Variants in GPR158 observed in about 807,000 individuals in gnomAD.
The protein encoded by GPR158 is G protein-coupled receptor 158, also known as metabotropic glycine receptor.
Under a neutral mutation model 78.2 loss-of-function variants are expected in GPR158, and 30 were observed. The observed-to-expected ratio is 0.38, with a 90% CI of 0.29 to 0.52. The LOEUF (loss-of-function observed/expected upper bound fraction) is 0.52, where lower values mean the gene tolerates loss of function less well. GPR158 is among the 20% of genes least tolerant of loss of function. The pLI is 0.83. For synonymous variants in GPR158, 581 were observed against 591.1 expected, an observed-to-expected ratio of 0.98 and a Z score of 0.25; for missense variants, 1,463 against 1,523.5, an observed-to-expected ratio of 0.96 and a Z score of 0.66.
intron 5 of GPR158, among the ~76,000 whole-genome samples, chr10:25,506,112 CA>C (rs1836009905): frequency 6.6e-6 from 1 of 152,218 alleles, no homozygotes; most frequent in African/African-American, 2.4e-5. Flanking sequence ...CTGTAGCACA[CA>C]AGTGTGATTT....
chr10:25,251,861 G>T (rs1588759038), intron 2 of GPR158, among the ~76,000 whole-genome samples: 1 of 151,712 alleles, frequency 6.6e-6, no homozygotes. Flanking sequence ...ACATTGGCCT[G>T]CCTTGCTAGA....
At chr10:25,216,465 T>C (rs1466383099) in intron 1 of GPR158, among the ~76,000 whole-genome samples, 1 of 151,930 alleles carries the variant, frequency 6.6e-6, no homozygotes, top group South Asian at 2.1e-4. Flanking sequence ...TGCTTGGGTA[T>C]TTTTTGGGGG....
At chr10:25,433,265 G>A (rs1834937282) in intron 4 of GPR158, among the ~76,000 whole-genome samples, 1 of 152,102 alleles carries the variant, frequency 6.6e-6, no homozygotes, top group Non-Finnish European at 1.5e-5. Context: ...AGTCAACTCT[G>A]GCCCCATTGT....
intron 4 of GPR158, among the ~76,000 whole-genome samples, chr10:25,444,476 G>A (rs935481862): frequency 6.6e-6 from 1 of 151,314 alleles, no homozygotes; most frequent in Non-Finnish European, 1.5e-5. Context: ...GTGTGGAGGT[G>A]CATGTATGTG....
chr10:25,419,580 C>T (rs1389588884), intron 4 of GPR158, among the ~76,000 whole-genome samples: 1 of 152,172 alleles, frequency 6.6e-6, no homozygotes, highest in African/African-American at 2.4e-5. Context: ...CCGTTTTTCA[C>T]AGAGGCCCCA....
chr10:25,513,775 C>G (rs777936711), intron 5 of GPR158, among the ~76,000 whole-genome samples: 1 of 152,038 alleles, frequency 6.6e-6, no homozygotes, highest in Non-Finnish European at 1.5e-5. Flanking sequence ...TCATTTTTGA[C>G]CCAATGATCA....
intron 6 of GPR158, among the ~76,000 whole-genome samples, chr10:25,570,744 G>A (rs976332899): frequency 5.3e-5 from 8 of 151,882 alleles, no homozygotes; most frequent in Non-Finnish European, 8.8e-5. Flanking sequence ...GTGAAACCCC[G>A]TTTCTACTAA....
chr10:25,535,000 T>A (rs147407929), intron 5 of GPR158, among the ~76,000 whole-genome samples: 449 of 152,332 alleles, frequency 2.9e-3, no homozygotes, highest in Non-Finnish European at 4.5e-3. Context: ...ACTGGATTTC[T>A]TTTCTTGCTT....
chr10:25,317,332 G>A (rs2130472533), intron 2 of GPR158, among the ~76,000 whole-genome samples: 1 of 152,184 alleles, frequency 6.6e-6, no homozygotes, highest in African/African-American at 2.4e-5. Context: ...ACAGGTGTGA[G>A]CCACTACACC....
intron 5 of GPR158, among the ~76,000 whole-genome samples, chr10:25,499,293 T>A (rs2130656116): frequency 6.6e-6 from 1 of 152,338 alleles, no homozygotes; most frequent in African/African-American, 2.4e-5. Flanking sequence ...TTTCCTGAAA[T>A]ACAGTGCGCT....
At chr10:25,594,036 A>G (rs934660368) in intron 8 of GPR158, among the ~76,000 whole-genome samples, 1 of 152,112 alleles carries the variant, frequency 6.6e-6, no homozygotes, top group Non-Finnish European at 1.5e-5. Context: ...TACATACAAA[A>G]TAATAATCTT....
rs948100963 is a variant in GPR158, at chr10:25,519,293, A to C, written c.1405-31683A>C. On this transcript the variant is annotated intron_variant, in intron 5 of 10. Transcript: ENST00000376351. ...TCTGCACGTGAGATGGGTTTCCTGA[A>C]TACAGCACACTGGTGGGTCTTGACT... Among the ~76,000 whole-genome samples the C allele has an allele frequency of 4.0e-4, 57 of 142,890 alleles. 1 individual carries two copies. In the South Asian group the frequency reaches 0.012, roughly 29 times the overall value. 93.7% of individuals were successfully genotyped at this position (142,890 alleles called of 152,430 possible).
At chr10:25,212,096 T>C (rs1349361827) in intron 1 of GPR158, among the ~76,000 whole-genome samples, 1 of 152,236 alleles carries the variant, frequency 6.6e-6, no homozygotes, top group East Asian at 1.9e-4. Flanking sequence ...TTGACATTTT[T>C]ATTTCAATGA....
At chr10:25,450,187 G>A (rs1380265657) in intron 4 of GPR158, among the ~76,000 whole-genome samples, 1 of 152,042 alleles carries the variant, frequency 6.6e-6, no homozygotes, top group Non-Finnish European at 1.5e-5. Flanking sequence ...ATAGGCCAGG[G>A]TGAGGAACAA....
chr10:25,595,515 G>A (rs1837387893), intron 9 of GPR158, among the ~76,000 whole-genome samples: 1 of 152,158 alleles, frequency 6.6e-6, no homozygotes, highest in African/African-American at 2.4e-5. Context: ...TTTACCAACT[G>A]ACAAATGTAT....
At chr10:25,335,035 T>G (rs185072238) in intron 2 of GPR158, among the ~76,000 whole-genome samples, 2 of 152,228 alleles carry the variant, frequency 1.3e-5, no homozygotes, top group Admixed American at 1.3e-4. Flanking sequence ...GCATTTATTT[T>G]TAGAGAGAAC....
chr10:25,358,088 TG>T (rs1855577423), intron 2 of GPR158, among the ~76,000 whole-genome samples: 1 of 152,108 alleles, frequency 6.6e-6, no homozygotes, highest in Non-Finnish European at 1.5e-5. Flanking sequence ...CATTTCAGAC[TG>T]GCATGGGGCC....
At chr10:25,535,203 C>T (rs1309483928) in intron 5 of GPR158, among the ~76,000 whole-genome samples, 1 of 152,276 alleles carries the variant, frequency 6.6e-6, no homozygotes, top group African/African-American at 2.4e-5. Flanking sequence ...ATGTTCCCTA[C>T]CTCCTGGTAA....
At chr10:25,579,938 T>C (rs1237024978) in intron 7 of GPR158, among the ~76,000 whole-genome samples, 2 of 152,200 alleles carry the variant, frequency 1.3e-5, no homozygotes, top group African/African-American at 2.4e-5. Flanking sequence ...CTTAACAGCA[T>C]TTATATGATC....
Sources: allele counts gnomAD v4.1 joint callset (sites outside exome capture counted in the v4.1 genomes callset), GRCh38; gene constraint gnomAD v4.1.1; transcripts MANE v1.5; gene names NCBI Gene and HGNC (gene_info 2026-07-23, HGNC 2026-07-21).